Variants in KSR2 observed in about 807,000 individuals in gnomAD.
The protein encoded by KSR2 is kinase suppressor of ras 2.
Under a neutral mutation model 107.8 loss-of-function variants are expected in KSR2, and 25 were observed. That is an observed-to-expected ratio of 0.23 (90% CI 0.17 to 0.32). The LOEUF (loss-of-function observed/expected upper bound fraction) is 0.32. KSR2 is among the 10% of genes least tolerant of loss of function. The pLI, the probability that KSR2 is intolerant of heterozygous loss-of-function variation, is 1.00. For synonymous variants in KSR2, 480 were observed against 507.0 expected, an observed-to-expected ratio of 0.95 and a Z score of 0.71; for missense variants, 887 against 1,268.9, an observed-to-expected ratio of 0.70 and a Z score of 4.57.
intron 6 of KSR2, among the ~76,000 whole-genome samples, chr12:117,580,831 C>A (rs1362709085): frequency 6.6e-6 from 1 of 151,728 alleles, no homozygotes; most frequent in African/African-American, 2.4e-5. Context: ...AGGGGCCGAG[C>A]TGAGCCAGAG....
intron 5 of KSR2, among the ~76,000 whole-genome samples, chr12:117,588,948 C>G (rs1880163107): frequency 6.6e-6 from 1 of 152,196 alleles, no homozygotes; most frequent in African/African-American, 2.4e-5. Context: ...TATCTTGCAG[C>G]TATGTCTTCA....
chr12:117,882,641 C>T (rs1210334333), intron 1 of KSR2, among the ~76,000 whole-genome samples: 1 of 151,030 alleles, frequency 6.6e-6, no homozygotes, highest in Non-Finnish European at 1.5e-5. Context: ...ATCCATCCAA[C>T]AATCCATCTA....
chr12:117,928,331 C>T lies in KSR2; in HGVS notation c.180+39745G>A, dbSNP rs529689537. ...CCGAGTAGCTGGAACTACAGGCATG[C>T]GCCACCATACCCGGCTAATTTTTTG... On this transcript the variant is annotated intron_variant, in intron 1 of 19. Coordinates refer to ENST00000339824, the MANE Select transcript of KSR2 (RefSeq NM_173598.6). Among the ~76,000 whole-genome samples the T allele has an allele frequency of 4.6e-5, 7 of 152,064 alleles. No homozygotes were observed. The South Asian group carries it at 8.3e-4, about 18-fold the overall frequency.
rs528255303 is a variant in KSR2, at chr12:117,794,688, G to T, written c.473-33164C>A. On this transcript the variant is annotated intron_variant, in intron 3 of 19. Transcript: ENST00000339824. The stretch of plus-strand genomic sequence containing the variant: ...CAATATGCACACACTCATACCAACA[G>T]GCACACACACACCAACATGCACACA... Among the ~76,000 whole-genome samples, 114 of 130,810 alleles carry T rather than the reference G, an allele frequency of 8.7e-4. No homozygotes were observed. In the South Asian group the frequency reaches 0.014, roughly 16 times the overall value. The allele number at this position is 130,810 out of a possible 152,430, so 85.8% of individuals were successfully genotyped here.
At chr12:117,683,313 G>C (rs1269945004) in intron 4 of KSR2, among the ~76,000 whole-genome samples, 2 of 151,990 alleles carry the variant, frequency 1.3e-5, no homozygotes, top group Non-Finnish European at 2.9e-5. Context: ...TTAAATAACA[G>C]AGTCAACTGT....
Position 117,484,419 on chromosome 12 carries a change from C to T in KSR2, c.2447G>A (p.Gly816Asp). Residue 816 changes from glycine to aspartate, a missense_variant, in exon 16 of 20, where the codon GGC becomes GAC. This residue lies in a region of KSR2 where 308 missense variants were observed against 506.2 expected (regional missense o/e 0.61). Transcript: ENST00000339824. ...LFSISGVLQA[G>D]RREDKLRIQN... ...GGGTCTTCCCACTGCCTCTCACCTG[C>T]CAGCCTGCAGCACCCCAGAAATGCT... 2.5e-6 allele frequency: 4 copies of T among 1,613,864 alleles called. No homozygotes were observed. The highest frequency in any genetic ancestry group is 3.4e-6 in the Non-Finnish European group (4 of 1,179,790).
chr12:117,699,733 C>A (rs1886223094), intron 4 of KSR2, among the ~76,000 whole-genome samples: 1 of 152,256 alleles, frequency 6.6e-6, no homozygotes, highest in East Asian at 1.9e-4. Context: ...AGGCCTAGGA[C>A]ATGACTGTAC....
At chr12:117,477,826 G>A (rs765740324) in intron 16 of KSR2, among the ~76,000 whole-genome samples, 9 of 152,154 alleles carry the variant, frequency 5.9e-5, no homozygotes, top group East Asian at 5.8e-4. Flanking sequence ...TCCCTCTTCC[G>A]CCATTATGAA....
intron 4 of KSR2, among the ~76,000 whole-genome samples, chr12:117,701,688 A>G (rs1886324679): frequency 6.6e-6 from 1 of 152,152 alleles, no homozygotes. Flanking sequence ...TGTAAGAGAA[A>G]GGCAGGGAAG....
chr12:117,954,224 G>T (rs1285856405), intron 1 of KSR2, among the ~76,000 whole-genome samples: 1 of 152,176 alleles, frequency 6.6e-6, no homozygotes, highest in East Asian at 1.9e-4. Flanking sequence ...AGATGGGGCT[G>T]GACAACCTCT....
chr12:117,719,383 AC>A (rs751288343), intron 4 of KSR2, among the ~76,000 whole-genome samples: 1 of 152,182 alleles, frequency 6.6e-6, no homozygotes. Flanking sequence ...TTTAGTAGAG[AC>A]AGGGTTTCAC....
chr12:117,630,225 C>T (rs1882739487), intron 5 of KSR2, among the ~76,000 whole-genome samples: 1 of 152,210 alleles, frequency 6.6e-6, no homozygotes, highest in Non-Finnish European at 1.5e-5. Flanking sequence ...AACTGCAGGC[C>T]AACAGATGAC....
Position 117,953,502 on chromosome 12 carries a change from C to T in KSR2, c.180+14574G>A, listed in dbSNP as rs140146430. Among the ~76,000 whole-genome samples the T allele has an allele frequency of 2.3e-3, 348 of 152,210 alleles. 3 individuals are homozygous for T. Among genetic ancestry groups the T allele is most frequent in the African/African-American group, 7.7e-3 (320 of 41,534 alleles). On this transcript the variant is annotated intron_variant, in intron 1 of 19. Coordinates refer to ENST00000339824, the MANE Select transcript of KSR2 (RefSeq NM_173598.6). ...ATGGACTATTATTTAGCCATAAACA[C>T]GAATGAAATGCTGATACATCATGAA...
chr12:117,474,604 T>C (rs1250125220), intron 17 of KSR2, among the ~76,000 whole-genome samples: 1 of 152,146 alleles, frequency 6.6e-6, no homozygotes, highest in Non-Finnish European at 1.5e-5. Context: ...AGGCAAGGAT[T>C]TGCATGGCCA....
chr12:117,804,666 G>A (rs975079121), intron 3 of KSR2, among the ~76,000 whole-genome samples: 6 of 152,012 alleles, frequency 3.9e-5, no homozygotes, highest in Admixed American at 6.6e-5. Context: ...TTAAGGAACC[G>A]GCCTTCAAGA....
chr12:117,898,246 T>C (rs1271073296), intron 1 of KSR2, among the ~76,000 whole-genome samples: 1 of 151,606 alleles, frequency 6.6e-6, no homozygotes, highest in Non-Finnish European at 1.5e-5. Context: ...GCCCTCTGGT[T>C]TGAGAAGAGA....
At chr12:117,855,334 T>C in intron 3 of KSR2, 94 bp downstream of exon 3, 1 of 1,539,986 alleles carries the variant, frequency 6.5e-7, no homozygotes, top group Non-Finnish European at 8.9e-7. Context: ...CTCTGTCTCG[T>C]CCTGGCCTGC....
intron 14 of KSR2, among the ~76,000 whole-genome samples, chr12:117,502,506 GGT>G (rs1873440819): frequency 3.3e-5 from 5 of 152,104 alleles, no homozygotes; most frequent in Admixed American, 3.3e-4. Context: ...TTGGGAGGAG[GGT>G]AGTGGGGAAT....
In KSR2 at chr12:117,904,080, G is replaced by A. The variant is rs746125434; in HGVS notation, c.181-43649C>T. On this transcript the variant is annotated intron_variant, in intron 1 of 19. Transcript: ENST00000339824. The stretch of plus-strand genomic sequence containing the variant: ...ATCTTGTCTCTAAAAAAAAAATGAA[G>A]AAATCAAAAGTTTAAAAAATGATTC... Among the ~76,000 whole-genome samples, 17 of 152,080 alleles carry A rather than the reference G, an allele frequency of 1.1e-4. 1 individual carries two copies. In the Middle Eastern group the frequency reaches 0.01, roughly 91 times the overall value.
Sources: allele counts gnomAD v4.1 joint callset (sites outside exome capture counted in the v4.1 genomes callset), GRCh38; gene constraint gnomAD v4.1.1; regional missense constraint gnomAD v4.1.1; transcripts MANE v1.5; gene names NCBI Gene and HGNC (gene_info 2026-07-23, HGNC 2026-07-21).